ZMAT4: variants seen among roughly 807,000 people sequenced by gnomAD.
ZMAT4 encodes the protein zinc finger matrin-type 4.
A neutral mutation model predicts 28.7 loss-of-function variants in ZMAT4; 17 were observed. The observed-to-expected ratio is 0.59, with a 90% CI of 0.41 to 0.89. The LOEUF (loss-of-function observed/expected upper bound fraction) is 0.89. ZMAT4 is among the 40% of genes least tolerant of loss of function. The pLI is 0.00. For synonymous variants in ZMAT4, 117 were observed against 109.2 expected (o/e 1.07, Z -0.44); for missense variants, 240 against 283.8 (o/e 0.85, Z 1.11).
intron 1 of ZMAT4, among the ~76,000 whole-genome samples, chr8:40,871,937 G>A (rs1326849150): frequency 3.9e-5 from 6 of 152,194 alleles, no homozygotes; most frequent in Non-Finnish European, 7.3e-5. Context: ...AGCTTAATGT[G>A]AAAGAAATTC....
intron 5 of ZMAT4, among the ~76,000 whole-genome samples, chr8:40,591,865 C>T (rs1804904867): frequency 6.6e-6 from 1 of 152,024 alleles, no homozygotes; most frequent in African/African-American, 2.4e-5. Context: ...ATGAGAAAAC[C>T]ATGGTTCAAA....
chr8:40,799,204 T>C (rs973954353), intron 2 of ZMAT4, among the ~76,000 whole-genome samples: 5 of 123,102 alleles, frequency 4.1e-5, no homozygotes, highest in Non-Finnish European at 6.8e-5. Flanking sequence ...GAAGGATAGA[T>C]GGGTGGATGG....
chr8:40,854,706 T>A (rs1317394660), intron 1 of ZMAT4, among the ~76,000 whole-genome samples: 1 of 152,118 alleles, frequency 6.6e-6, no homozygotes, highest in Non-Finnish European at 1.5e-5. Flanking sequence ...CTGGCATGGA[T>A]AAGGCAAAAG....
At chr8:40,710,948 A>T (rs4634624) in intron 3 of ZMAT4, among the ~76,000 whole-genome samples, 67,250 of 150,614 alleles carry the variant, frequency 0.45, 15,358 homozygotes, top group East Asian at 0.61. Flanking sequence ...ACCCAGATAA[A>T]TTTTTTTTTG....
intron 1 of ZMAT4, among the ~76,000 whole-genome samples, chr8:40,877,029 C>G (rs899520537): frequency 2.0e-5 from 3 of 152,174 alleles, no homozygotes; most frequent in Non-Finnish European, 2.9e-5. Flanking sequence ...GGTCTTGACC[C>G]AGGTGTCAAA....
At chr8:40,763,650 G>A (rs530802158) in intron 3 of ZMAT4, among the ~76,000 whole-genome samples, 1 of 152,220 alleles carries the variant, frequency 6.6e-6, no homozygotes, top group South Asian at 2.1e-4. Context: ...TTTAATCTCA[G>A]GTCTGACCAC....
chr8:40,741,680 G>T (rs145674871), intron 3 of ZMAT4, among the ~76,000 whole-genome samples: 19 of 152,262 alleles, frequency 1.2e-4, no homozygotes, highest in African/African-American at 4.6e-4. Flanking sequence ...GGGCAGCAAG[G>T]GCAGCCTGGC....
intron 3 of ZMAT4, among the ~76,000 whole-genome samples, chr8:40,727,282 C>T (rs1811352471): frequency 6.6e-6 from 1 of 152,140 alleles, no homozygotes; most frequent in South Asian, 2.1e-4. Flanking sequence ...ACAGTGTCCA[C>T]AAGCAACAGA....
At chr8:40,703,887 T>G (rs1224017534) in intron 3 of ZMAT4, among the ~76,000 whole-genome samples, 2 of 152,226 alleles carry the variant, frequency 1.3e-5, no homozygotes, top group African/African-American at 4.8e-5. Context: ...TAGGTGAAAC[T>G]CTTTCAGGAA....
chr8:40,649,388 A>T (rs1033418606), intron 5 of ZMAT4, among the ~76,000 whole-genome samples: 77 of 152,228 alleles, frequency 5.1e-4, no homozygotes, highest in African/African-American at 1.8e-3. Context: ...TCATAAATAT[A>T]TATGCACCCA....
chr8:40,734,459 G>A (rs1212982991), intron 3 of ZMAT4, among the ~76,000 whole-genome samples: 1 of 152,226 alleles, frequency 6.6e-6, no homozygotes, highest in Non-Finnish European at 1.5e-5. Context: ...AGATTTGGGT[G>A]TAAATTTAGA....
intron 2 of ZMAT4, among the ~76,000 whole-genome samples, chr8:40,776,282 G>C (rs968833259): frequency 6.6e-6 from 1 of 152,180 alleles, no homozygotes; most frequent in Non-Finnish European, 1.5e-5. Flanking sequence ...TTTAAAGTGA[G>C]GAACACTTAC....
chr8:40,737,884 C>G (rs1811838853), intron 3 of ZMAT4, among the ~76,000 whole-genome samples: 1 of 151,784 alleles, frequency 6.6e-6, no homozygotes, highest in Non-Finnish European at 1.5e-5. Flanking sequence ...ATGGGAAGCA[C>G]TGAGCCTAGA....
chr8:40,868,205 A>G (rs1297338941), intron 1 of ZMAT4, among the ~76,000 whole-genome samples: 3 of 152,200 alleles, frequency 2.0e-5, no homozygotes, highest in Non-Finnish European at 2.9e-5. Flanking sequence ...TTAGGTTTCC[A>G]TTTATAAATC....
chr8:40,644,315 T>C (rs1478314958), intron 5 of ZMAT4, among the ~76,000 whole-genome samples: 1 of 152,138 alleles, frequency 6.6e-6, no homozygotes, highest in Non-Finnish European at 1.5e-5. Context: ...CAGAAATGGT[T>C]ATTTCTAGGA....
At chr8:40,811,288 G>A (rs912410169) in intron 2 of ZMAT4, among the ~76,000 whole-genome samples, 13 of 152,156 alleles carry the variant, frequency 8.5e-5, no homozygotes, top group Non-Finnish European at 1.8e-4. Context: ...GTTGTAAGAC[G>A]AGTGGATCTT....
chr8:40,718,438 G>T (rs1030352589), intron 3 of ZMAT4, among the ~76,000 whole-genome samples: 1 of 152,140 alleles, frequency 6.6e-6, no homozygotes, highest in African/African-American at 2.4e-5. Context: ...TTGTTCTGTG[G>T]GAAACTCCTT....
chr8:40,589,681 A>C (rs1469729098), intron 5 of ZMAT4, among the ~76,000 whole-genome samples: 2 of 148,842 alleles, frequency 1.3e-5, no homozygotes, highest in East Asian at 4.0e-4. Flanking sequence ...GACATGAAAC[A>C]TCTTACACTT....
At chr8:40,896,034 C>T (rs1021492464) in intron 1 of ZMAT4, among the ~76,000 whole-genome samples, 6 of 152,002 alleles carry the variant, frequency 3.9e-5, no homozygotes, top group African/African-American at 1.5e-4. Flanking sequence ...ATAGGAAGTA[C>T]AGAAGAGAAC....
Sources: allele counts gnomAD v4.1 joint callset (sites outside exome capture counted in the v4.1 genomes callset), GRCh38; gene constraint gnomAD v4.1.1; transcripts MANE v1.5; gene names NCBI Gene and HGNC (gene_info 2026-07-23, HGNC 2026-07-21).